Variants in RTN4 observed in about 807,000 individuals in gnomAD.
The protein encoded by RTN4 is reticulon-4.
A neutral mutation model predicts 90.4 loss-of-function variants in RTN4; 32 were observed. The ratio of observed to expected loss-of-function variants is 0.35; its 90% CI spans 0.27 to 0.48. The LOEUF (loss-of-function observed/expected upper bound fraction) is 0.48, where lower values mean the gene tolerates loss of function less well. RTN4 is among the 20% of genes least tolerant of loss of function. RTN4 has a pLI of 0.99. For missense variants in RTN4, 1,706 were observed against 1,430.2 expected (o/e 1.19, Z -3.11); for synonymous variants, 629 against 552.5 (o/e 1.14, Z -1.94).
intron 4 of RTN4, among the ~76,000 whole-genome samples, chr2:54,984,551 G>A (rs1173149572): frequency 6.6e-6 from 1 of 152,194 alleles, no homozygotes; most frequent in African/African-American, 2.4e-5. Context: ...AAGACAAGAT[G>A]CCTAAGCAGA....
the RTN4 span, among the ~76,000 whole-genome samples, chr2:55,121,427 G>T: frequency 2.6e-5 from 4 of 152,232 alleles, no homozygotes; most frequent in Non-Finnish European, 5.9e-5. Flanking sequence ...CTCAAGAGAC[G>T]TCAGCCCAAG....
the RTN4 span, among the ~76,000 whole-genome samples, chr2:55,119,295 G>C: frequency 6.6e-6 from 1 of 152,192 alleles, no homozygotes; most frequent in Non-Finnish European, 1.5e-5. Context: ...TCTACACTGG[G>C]AGCTATAGTC....
chr2:55,014,326 T>C (rs1373020769), intron 3 of RTN4: 1 of 152,054 alleles, frequency 6.6e-6, no homozygotes, highest in African/African-American at 2.4e-5. Flanking sequence ...GTGACACTAT[T>C]TATGAAAACT....
upstream of RTN4, among the ~76,000 whole-genome samples, chr2:55,114,197 A>G (rs893503847): frequency 6.6e-6 from 1 of 152,210 alleles, no homozygotes. Context: ...AGAATATTTT[A>G]TGATGTCACT....
Position 55,050,178 on chromosome 2 carries a change from TTCCTCCTCCTCTTCTTCCTCCTCG to T in RTN4, c.99_122del (p.Asp33_Glu40del), listed in dbSNP as rs1217755144. The T allele has an allele frequency of 3.2e-6, 5 of 1,569,028 alleles. No individual in the cohort carries two copies. The highest frequency in any genetic ancestry group is 4.3e-6 in the Non-Finnish European group (5 of 1,163,424). ...CCAGGTCTTCGTCCTCGTCCTCCTCTTCCTCCTCCTCTTCTTCCTCCTCGTCCTCGGGCTCCCTCACGAACTGGT... is the reference window on the plus strand; with the variant it reads ...CCAGGTCTTCGTCCTCGTCCTCCTCTTCCTCGGGCTCCCTCACGAACTGGT... On this transcript the variant is annotated inframe_deletion, in exon 1 of 9. Coordinates refer to ENST00000337526, the MANE Select transcript of RTN4 (RefSeq NM_020532.5). The surrounding 1 kb of genome is among the most constrained non-coding windows in gnomAD (Gnocchi z 4.6).
chr2:55,132,199 T>C, the RTN4 span, among the ~76,000 whole-genome samples: 1 of 152,290 alleles, frequency 6.6e-6, no homozygotes, highest in Middle Eastern at 3.4e-3. Context: ...CTCTCCACTT[T>C]TATGTGTGTT....
intron 1 of RTN4, among the ~76,000 whole-genome samples, chr2:55,092,734 G>A (rs1165028476): frequency 6.6e-6 from 1 of 152,164 alleles, no homozygotes; most frequent in African/African-American, 2.4e-5. Context: ...TGTAAGCCAG[G>A]TAAAACTGAC....
At chr2:54,978,417 C>A (rs372360859) in intron 5 of RTN4, among the ~76,000 whole-genome samples, 1 of 118,902 alleles carries the variant, frequency 8.4e-6, no homozygotes, top group African/African-American at 3.4e-5. Flanking sequence ...GGTGACACAG[C>A]GAGACTCTAT....
intron 5 of RTN4, among the ~76,000 whole-genome samples, chr2:54,976,279 A>T (rs1677625058): frequency 6.6e-6 from 1 of 152,218 alleles, no homozygotes; most frequent in Non-Finnish European, 1.5e-5. Context: ...GAAAAGCCCA[A>T]GACTTCACAC....
intron 1 of RTN4, among the ~76,000 whole-genome samples, chr2:55,041,118 T>A (rs1320506777): frequency 6.6e-6 from 1 of 151,266 alleles, no homozygotes; most frequent in African/African-American, 2.4e-5. Flanking sequence ...GCAGGAAGAC[T>A]TAGCTTTCTT....
At chr2:54,980,542 A>C (rs185706516) in intron 5 of RTN4, among the ~76,000 whole-genome samples, 1 of 152,358 alleles carries the variant, frequency 6.6e-6, no homozygotes, top group African/African-American at 2.4e-5. Context: ...AATTGTAGAC[A>C]TATAGCTGCC....
At chr2:55,093,941 G>A (rs2105047708) in intron 1 of RTN4, among the ~76,000 whole-genome samples, 1 of 152,312 alleles carries the variant, frequency 6.6e-6, no homozygotes, top group South Asian at 2.1e-4. Flanking sequence ...AATGGAATAT[G>A]AGAGGGACAT....
Position 55,025,532 on chromosome 2 carries a change from GT to G in RTN4, c.2566del (p.Thr856LeufsTer13). 1 of 1,613,736 alleles carries G rather than the reference GT, an allele frequency of 6.2e-7. No individual in the cohort carries two copies. ...TGGAGATGAATCTGAAAACGTTTCA[GT>G]TTCTCTTATCTGTGCTTCCTTAGAA... ...FISKEAQIRE[T>X]ETFSDSSPIE... is the part of the protein sequence containing the mutation. On this transcript the variant is annotated frameshift_variant, in exon 3 of 9. Coordinates refer to ENST00000337526, the MANE Select transcript of RTN4 (RefSeq NM_020532.5). LOFTEE classifies it high-confidence loss of function.
chr2:55,030,819 C>G (rs554487835), intron 1 of RTN4, among the ~76,000 whole-genome samples: 1 of 152,194 alleles, frequency 6.6e-6, no homozygotes, highest in Non-Finnish European at 1.5e-5. Flanking sequence ...ATCCTTCTTA[C>G]TGTATCAGCC....
intron 2 of RTN4, among the ~76,000 whole-genome samples, chr2:55,078,691 G>A (rs1460714427): frequency 6.6e-6 from 1 of 152,168 alleles, no homozygotes. Context: ...CTGACAAGTA[G>A]GGACAATGTT....
chr2:55,032,640 A>T (rs1558832220), intron 1 of RTN4, among the ~76,000 whole-genome samples: 2 of 152,226 alleles, frequency 1.3e-5, no homozygotes, highest in Non-Finnish European at 1.5e-5. Context: ...ACTGAAACAC[A>T]ACAAGGGAAA....
intron 1 of RTN4, among the ~76,000 whole-genome samples, chr2:55,084,072 T>G (rs1668790612): frequency 6.6e-6 from 1 of 152,174 alleles, no homozygotes; most frequent in Non-Finnish European, 1.5e-5. Context: ...AGCCCTACTC[T>G]GCAACCTCCA....
the RTN4 span, among the ~76,000 whole-genome samples, chr2:55,125,094 GA>G: frequency 2.6e-5 from 4 of 151,944 alleles, no homozygotes; most frequent in East Asian, 5.8e-4. Flanking sequence ...CAAAACAAAA[GA>G]AAAAAATTCA....
At chr2:55,065,155 G>A (rs984882260) in intron 2 of RTN4, among the ~76,000 whole-genome samples, 7 of 152,272 alleles carry the variant, frequency 4.6e-5, no homozygotes, top group African/African-American at 9.6e-5. Context: ...AGCATTCTAC[G>A]GGAGTTTTTT....
Sources: gnomAD v4.1 joint callset for allele counts (sites outside exome capture counted in the v4.1 genomes callset) on GRCh38, gnomAD v4.1.1 for gene constraint, Gnocchi (gnomAD v3.1) non-coding constraint, MANE v1.5 for transcripts, NCBI Gene and HGNC (gene_info 2026-07-23, HGNC 2026-07-21) for gene names.